BLM: variants seen among roughly 807,000 people sequenced by gnomAD.
The protein encoded by BLM is recQ-like DNA helicase BLM.
BLM carries 95 observed loss-of-function variants against 135.3 expected under a neutral mutation model. The observed-to-expected ratio is 0.70, with a 90% CI of 0.59 to 0.83. The LOEUF is 0.83. Ranked by LOEUF, BLM falls within the 40% of genes least tolerant of loss-of-function variation. The pLI, the probability that BLM is intolerant of heterozygous loss-of-function variation, is 0.00. For synonymous variants in BLM, 520 were observed against 589.2 expected (o/e 0.88, Z 1.70); for missense variants, 1,518 against 1,663.9 (o/e 0.91, Z 1.53).
intron 1 of BLM, among the ~76,000 whole-genome samples, chr15:90,719,901 C>T (rs1262628609): frequency 1.3e-5 from 2 of 152,158 alleles, no homozygotes; most frequent in Non-Finnish European, 2.9e-5. Context: ...TGGCATGATA[C>T]CAGAGGCTTT....
At position 90,754,858 on chromosome 15, in the gene BLM, G is replaced by A. The variant is rs2151152181; in HGVS notation, c.1007G>A (p.Ser336Asn). The change falls in exon 5 of 22, where the codon AGC (serine) becomes AAC (asparagine). Residue 336 changes from serine to asparagine, a missense_variant. This residue lies in a region of BLM where 724 missense variants were observed against 756.9 expected (regional missense o/e 0.96). Transcript: ENST00000355112. ...TCTGACAGAAAAGAGGATGTTCTTAGCACATCAAAAGATCTTTTGTCAAAA... is the reference window on the plus strand; with the variant it reads ...TCTGACAGAAAAGAGGATGTTCTTAACACATCAAAAGATCTTTTGTCAAAA... ...DTSDRKEDVL[S>N]TSKDLLSKPE... The A allele has an allele frequency of 1.2e-6, 2 of 1,613,858 alleles. No individual in the cohort carries two copies. The highest frequency in any genetic ancestry group is 3.3e-5 in the Admixed American group (2 of 60,000).
intron 12 of BLM, among the ~76,000 whole-genome samples, chr15:90,771,318 C>T (rs746066661): frequency 5.3e-4 from 80 of 152,130 alleles, no homozygotes; most frequent in Non-Finnish European, 1.0e-3. Flanking sequence ...GATACCCCAT[C>T]TCTACTAAAA....
intron 11 of BLM, 40 bp from the exon 12 acceptor site, chr15:90,769,398 T>C (rs774402489): frequency 7.4e-6 from 12 of 1,612,908 alleles, no homozygotes; most frequent in Non-Finnish European, 1.0e-5. Flanking sequence ...AGAAGGAAGC[T>C]CCAAGTAGTC....
At chr15:90,791,272 C>T (rs571780060) in intron 15 of BLM, among the ~76,000 whole-genome samples, 2 of 152,188 alleles carry the variant, frequency 1.3e-5, no homozygotes, top group African/African-American at 4.8e-5. Flanking sequence ...CGAGCTGAAC[C>T]CCTCCCCACC....
rs539275591 is a variant in BLM at position 90,761,460 on chromosome 15, A to G, written c.1882+205A>G. Among the ~76,000 whole-genome samples the G allele has an allele frequency of 4.6e-5, 7 of 152,316 alleles. No homozygotes were observed. In the East Asian group the frequency reaches 1.4e-3, roughly 29 times the overall value. On this transcript the variant is annotated intron_variant, in intron 7 of 21. Coordinates refer to ENST00000355112, the MANE Select transcript of BLM (RefSeq NM_000057.4). ...GCAGCTGTAGTTTTATAAAATGTGT[A>G]ATTATAACCTATTGTAGTACGGCTC... is the stretch of plus-strand genomic sequence containing the variant.
intron 19 of BLM, 110 bp downstream of exon 19, chr15:90,804,469 T>C: frequency 7.7e-7 from 1 of 1,301,374 alleles, no homozygotes; most frequent in Non-Finnish European, 1.1e-6. Context: ...TGTTTCTTTT[T>C]GGGGTTTGTT....
chr15:90,780,270 A>T (rs1331896616), intron 12 of BLM, among the ~76,000 whole-genome samples: 1 of 152,062 alleles, frequency 6.6e-6, no homozygotes, highest in East Asian at 1.9e-4. Flanking sequence ...TTTTTAGTAG[A>T]GACAGGGTTT....
At chr15:90,732,630 T>G (rs559317136) in intron 1 of BLM, among the ~76,000 whole-genome samples, 31 of 148,816 alleles carry the variant, frequency 2.1e-4, no homozygotes, top group Non-Finnish European at 3.7e-4. Context: ...AGGGGAAAAT[T>G]TATAATCTTC....
rs550182508 is a variant in BLM, at chr15:90,779,035, G to A, written c.2556-3787G>A. 1.1e-4 allele frequency among the ~76,000 whole-genome samples: 17 copies of A among 152,034 alleles called. 1 individual carries two copies. The highest frequency in any genetic ancestry group is 3.9e-4 in the East Asian group (2 of 5,164). On this transcript the variant is annotated intron_variant, in intron 12 of 21. Transcript: ENST00000355112. ...TGAGTAGCTGAGACTACAGGTGTGC[G>A]CCACCACGCCCAGCTAATTTTCGTA...
At position 90,760,113 on chromosome 15, in the gene BLM, A is replaced by G. The variant is rs1289621891; in HGVS notation, c.1088-34A>G. ...GCCAAGACTTTTTTTTTTTTCCCTCAAAGAAAAATATTAACAACATAATTA... is the reference window on the plus strand; with the variant it reads ...GCCAAGACTTTTTTTTTTTTCCCTCGAAGAAAAATATTAACAACATAATTA... On this transcript the variant is annotated intron_variant, in intron 5 of 21. Transcript: ENST00000355112. 2.5e-6 allele frequency: 4 copies of G among 1,595,488 alleles called. 1 individual carries two copies. In the South Asian group the frequency reaches 3.3e-5, roughly 13 times the overall value.
At chr15:90,727,830 T>C (rs538652409) in intron 1 of BLM, among the ~76,000 whole-genome samples, 4 of 152,062 alleles carry the variant, frequency 2.6e-5, no homozygotes, top group African/African-American at 9.6e-5. Flanking sequence ...TGAGTACAAC[T>C]GTACACTGAG....
intron 1 of BLM, among the ~76,000 whole-genome samples, chr15:90,718,813 G>A (rs575262729): frequency 6.6e-6 from 1 of 152,238 alleles, no homozygotes; most frequent in Admixed American, 6.5e-5. Flanking sequence ...TAGATGTGCA[G>A]TAGAACATCA....
chr15:90,760,794 T>C lies in BLM; in HGVS notation c.1421T>C (p.Leu474Pro). Reference protein sequence around the residue: ...SPGDCLLTTTLGKTGFSATRK... With the variant: ...SPGDCLLTTTPGKTGFSATRK... ...GGGGACTGTTTACTGACTACCACCC[T>C]AGGAAAGACAGGATTCTCTGCCACC... Residue 474 changes from leucine to proline, a missense_variant, in exon 7 of 22, where the codon CTA (leucine) becomes CCA (proline). Coordinates refer to ENST00000355112, the MANE Select transcript of BLM (RefSeq NM_000057.4). 1 of 1,614,004 alleles carries C rather than the reference T, an allele frequency of 6.2e-7. No homozygotes were observed. The highest frequency in any genetic ancestry group is 1.3e-5 in the African/African-American group (1 of 75,054).
intron 12 of BLM, among the ~76,000 whole-genome samples, chr15:90,775,831 A>G (rs1364220770): frequency 1.3e-5 from 2 of 152,034 alleles, no homozygotes; most frequent in Non-Finnish European, 1.5e-5. Flanking sequence ...TTGATTGAGA[A>G]TGTATCTCTT....
Position 90,815,411 on chromosome 15 carries a change from TG to T in BLM, c.*138del, listed in dbSNP as rs542333840. 3.1e-6 allele frequency: 3 copies of T among 968,884 alleles called. No homozygotes were observed. Among genetic ancestry groups the T allele is most frequent in the African/African-American group, 1.7e-5 (1 of 59,986 alleles). The allele number at this position is 968,884 out of a possible 1,614,324, so 60.0% of individuals were successfully genotyped here. ...TCTCTATTAATATTTAAATAAATGC[TG>T]GGGGGTGATAGTTCTTCTTTTTAAA... On this transcript the variant is annotated 3_prime_UTR_variant, in exon 22 of 22. Coordinates refer to ENST00000355112, the MANE Select transcript of BLM (RefSeq NM_000057.4). The surrounding 1 kb of genome is among the most constrained non-coding windows in gnomAD (Gnocchi z 4.6).
intron 21 of BLM, among the ~76,000 whole-genome samples, chr15:90,812,951 T>G (rs1015571904): frequency 6.6e-6 from 1 of 152,230 alleles, no homozygotes; most frequent in Non-Finnish European, 1.5e-5. Flanking sequence ...ATTCCTCCAC[T>G]TTGGGAAATA....
chr15:90,717,473 C>A (rs1339502354), intron 1 of BLM, 33 bp downstream of exon 1: 2 of 152,282 alleles, frequency 1.3e-5, no homozygotes, highest in Non-Finnish European at 2.9e-5. Context: ...CGGGTCGGTC[C>A]GCATTGATCT....
chr15:90,767,896 T>A (rs1896178061), intron 10 of BLM, among the ~76,000 whole-genome samples: 1 of 152,118 alleles, frequency 6.6e-6, no homozygotes, highest in Non-Finnish European at 1.5e-5. Flanking sequence ...ATTTTTTAAA[T>A]GTAGTTGGTG....
chr15:90,752,069 A>G, intron 4 of BLM, 123 bp downstream of exon 4: 2 of 967,080 alleles, frequency 2.1e-6, no homozygotes, highest in Admixed American at 5.6e-5. Context: ...TTTTACATTC[A>G]AGTGAAAGCC....
Sources: allele counts gnomAD v4.1 joint callset (sites outside exome capture counted in the v4.1 genomes callset), GRCh38; gene constraint gnomAD v4.1.1; regional missense constraint gnomAD v4.1.1; non-coding constraint Gnocchi (gnomAD v3.1); transcripts MANE v1.5; gene names NCBI Gene and HGNC (gene_info 2026-07-23, HGNC 2026-07-21).